GLIS2: variants seen among roughly 807,000 people sequenced by gnomAD.
GLIS2 encodes GLIS family zinc finger 2.
Under a neutral mutation model 35.6 loss-of-function variants are expected in GLIS2, and 14 were observed. That is an observed-to-expected ratio of 0.39 (90% CI 0.26 to 0.61). The LOEUF is 0.61. Among genes scored for constraint, GLIS2 ranks in the 20% least tolerant of loss-of-function variants. GLIS2 has a pLI of 0.48. For synonymous variants in GLIS2, 368 were observed against 325.1 expected, an observed-to-expected ratio of 1.13 and a Z score of -1.42; for missense variants, 675 against 713.4, an observed-to-expected ratio of 0.95 and a Z score of 0.61.
At chr16:4,324,912 G>A (rs1385322157) in intron 1 of GLIS2, 3 of 152,260 alleles carry the variant, frequency 2.0e-5, no homozygotes, top group Non-Finnish European at 4.4e-5. Flanking sequence ...TGCCTGGTCA[G>A]GAAGGGGGGC....
In GLIS2 at chr16:4,320,596, CG is replaced by C. The variant is rs1178400527; in HGVS notation, c.-67+4347del. 7.9e-5 allele frequency among the ~76,000 whole-genome samples: 12 copies of C among 152,250 alleles called. No homozygotes were observed. The highest frequency in any genetic ancestry group is 2.2e-4 in the African/African-American group (9 of 41,518). ...CCCCACGTCCACTGCAAGGGCATGA[CG>C]GGGGCCAACGTGTCTGGAAGAAGCC... On this transcript the variant is annotated intron_variant, in intron 1 of 6. Coordinates refer to ENST00000433375, the MANE Select transcript of GLIS2 (RefSeq NM_032575.3). The surrounding 1 kb of genome is among the most constrained non-coding windows in gnomAD (Gnocchi z 5.6).
intron 1 of GLIS2, among the ~76,000 whole-genome samples, chr16:4,324,198 G>A (rs922797610): frequency 6.6e-6 from 1 of 152,128 alleles, no homozygotes; most frequent in Admixed American, 6.5e-5. Context: ...GAGGGGGAGG[G>A]GCTGCCTACT....
chr16:4,333,296 C>A, intron 2 of GLIS2, 51 bp from the exon 3 acceptor site: 2 of 1,603,032 alleles, frequency 1.2e-6, no homozygotes, highest in Non-Finnish European at 8.5e-7. Flanking sequence ...GAGTACCTGG[C>A]CCACTGGGAC....
In GLIS2 at chr16:4,337,017, C is replaced by T. The variant is rs769519610; in HGVS notation, c.1068C>T (p.Pro356=). Residue 356 remains proline (P), a synonymous_variant, in exon 7 of 7, where the codon CCC becomes CCT. Transcript: ENST00000433375. ...PYVSGAQIII[P]NPAALFGGPG... is the part of the protein sequence containing the mutation. Reference sequence around the variant, plus strand: ...TCAGTGGGGCCCAGATCATCATCCCCAACCCAGCTGCCCTCTTTGGAGGCC... The same window carrying T: ...TCAGTGGGGCCCAGATCATCATCCCTAACCCAGCTGCCCTCTTTGGAGGCC... The T allele has an allele frequency of 6.2e-7, 1 of 1,602,748 alleles. No homozygotes were observed. Among genetic ancestry groups the T allele is most frequent in the Middle Eastern group, 1.7e-4 (1 of 6,040 alleles).
At position 4,337,753 on chromosome 16, in the gene GLIS2, C is replaced by T. The variant is rs1193486635; in HGVS notation, c.*229C>T. On this transcript the variant is annotated 3_prime_UTR_variant, in exon 7 of 7. Transcript: ENST00000433375. ...GCTGTGCTCCTGGGTGCTGAAGCCT[C>T]GCTCCTGTCTGTCCCCCACCACCTG... The T allele has an allele frequency of 6.3e-6, 4 of 634,988 alleles. No homozygotes were observed. The highest frequency in any genetic ancestry group is 5.5e-5 in the South Asian group (3 of 54,406). 39.3% of individuals were successfully genotyped at this position (634,988 alleles called of 1,614,324 possible).
At chr16:4,333,289 T>C (rs970940716) in intron 2 of GLIS2, 58 bp from the exon 3 acceptor site, 1 of 1,597,442 alleles carries the variant, frequency 6.3e-7, no homozygotes, top group Non-Finnish European at 8.5e-7. Context: ...GAGGCAGGAG[T>C]ACCTGGCCCA....
In GLIS2 at chr16:4,333,454, G is replaced by C. The variant is rs761567062; in HGVS notation, c.280G>C (p.Gly94Arg). The C allele has an allele frequency of 1.2e-6, 2 of 1,612,770 alleles. No individual in the cohort carries two copies. Among genetic ancestry groups the C allele is most frequent in the East Asian group, 4.5e-5 (2 of 44,888 alleles). ...SPPSGLDSPNGSSSLSPERQG... is the reference protein window; with the variant it reads ...SPPSGLDSPNRSSSLSPERQG... ...ACCATCTGGGCTGGACTCCCCCAAT[G>C]GCAGCAGCTCGCTGTCCCCCGAGCG... The change falls in exon 3 of 7, where the codon GGC becomes CGC. Residue 94 changes from glycine (G) to arginine (R), a missense_variant. By Grantham distance (125) the Gly-to-Arg change is moderately radical. Transcript: ENST00000433375.
intron 6 of GLIS2, 88 bp from the exon 7 acceptor site, chr16:4,336,637 T>G: frequency 7.5e-7 from 1 of 1,336,966 alleles, no homozygotes; most frequent in Non-Finnish European, 1.0e-6. Flanking sequence ...CAGGGAGTGC[T>G]TGGCCCGGGG....
chr16:4,327,079 A>C (rs2053439160), intron 1 of GLIS2, among the ~76,000 whole-genome samples: 1 of 151,338 alleles, frequency 6.6e-6, no homozygotes, highest in South Asian at 2.1e-4. Flanking sequence ...TTTTTACTTC[A>C]AACGGGATTT....
chr16:4,324,369 A>G (rs2053408674), intron 1 of GLIS2, among the ~76,000 whole-genome samples: 1 of 152,138 alleles, frequency 6.6e-6, no homozygotes, highest in African/African-American at 2.4e-5. Flanking sequence ...TCCAGGGTTG[A>G]TCAGGCCTTC....
chr16:4,335,499 C>CA lies in GLIS2; in HGVS notation c.775+107dup. The CA allele has an allele frequency of 9.9e-7, 1 of 1,014,462 alleles. No homozygotes were observed. The highest frequency in any genetic ancestry group is 1.5e-6 in the Non-Finnish European group (1 of 654,794). 62.8% of individuals were successfully genotyped at this position (1,014,462 alleles called of 1,614,324 possible). Reference sequence around the variant, plus strand: ...GGACTGTTAAGTAAATCCCGGGCCTCAGAGATAAGGGTTGATGTCATCGCC... The same window carrying CA: ...GGACTGTTAAGTAAATCCCGGGCCTCAAGAGATAAGGGTTGATGTCATCGCC... On this transcript the variant is annotated intron_variant, in intron 6 of 6. Transcript: ENST00000433375. The surrounding 1 kb of genome is among the most constrained non-coding windows in gnomAD (Gnocchi z 4.6).
rs149145163 is a variant in GLIS2 at position 4,335,386 on chromosome 16, G to A, written c.768G>A (p.Ser256=). 154 of 1,613,406 alleles carry A rather than the reference G, an allele frequency of 9.5e-5. 1 individual carries two copies. The South Asian group carries it at 1.3e-3, about 14-fold the overall frequency. Residue 256 remains serine (S), a synonymous_variant, in exon 6 of 7, where the codon TCG becomes TCA. Coordinates refer to ENST00000433375, the MANE Select transcript of GLIS2 (RefSeq NM_032575.3). The surrounding 1 kb of genome is among the most constrained non-coding windows in gnomAD (Gnocchi z 4.6). ...RLENLKIHNR[S]HTGEKPYVCP... ...AGAACCTGAAGATCCACAACCGGTC[G>A]CACACAGGTAAGAGGCCGGGGCCGG...
chr16:4,330,390 T>C (rs2053485533), intron 1 of GLIS2, among the ~76,000 whole-genome samples: 1 of 152,232 alleles, frequency 6.6e-6, no homozygotes, highest in African/African-American at 2.4e-5. Flanking sequence ...TTTCTACATA[T>C]TTATATATTA....
chr16:4,318,215 C>G (rs1023687183), intron 1 of GLIS2, among the ~76,000 whole-genome samples: 1 of 152,136 alleles, frequency 6.6e-6, no homozygotes, highest in Non-Finnish European at 1.5e-5. Context: ...CTGGGAGTCT[C>G]CTGCCCTGGG....
intron 1 of GLIS2, among the ~76,000 whole-genome samples, chr16:4,328,012 C>T (rs1369486025): frequency 1.3e-5 from 2 of 152,144 alleles, no homozygotes; most frequent in Non-Finnish European, 2.9e-5. Context: ...CTCCACGCTG[C>T]GCTGTCCCAC....
chr16:4,337,306 A>G lies in GLIS2; in HGVS notation c.1357A>G (p.Thr453Ala). 6.4e-7 allele frequency: 1 copy of G among 1,565,330 alleles called. No homozygotes were observed. The highest frequency in any genetic ancestry group is 8.6e-7 in the Non-Finnish European group (1 of 1,156,778). ...GGAGAAGGGGCGTGGGTCGGTGCCCACCAGGGCCCTGGGCATGGAGGGCCA... is the reference window on the plus strand; with the variant it reads ...GGAGAAGGGGCGTGGGTCGGTGCCCGCCAGGGCCCTGGGCATGGAGGGCCA... The part of the protein sequence containing the change: ...EGEKGRGSVP[T>A]RALGMEGHKT... Residue 453 changes from threonine (T) to alanine (A), a missense_variant, in exon 7 of 7, where the codon ACC (threonine) becomes GCC (alanine). Physicochemically the swap from Thr to Ala is moderately conservative, Grantham distance 58. This residue lies in a region of GLIS2 where 317 missense variants were observed against 283.2 expected (regional missense o/e 1.12). Coordinates refer to ENST00000433375, the MANE Select transcript of GLIS2 (RefSeq NM_032575.3).
Position 4,337,584 on chromosome 16 carries a change from A to G in GLIS2, c.*60A>G, listed in dbSNP as rs989559259. On this transcript the variant is annotated 3_prime_UTR_variant, in exon 7 of 7. Transcript: ENST00000433375. ...CAGCTCCCGGCACTGCCCCCGACGA[A>G]CGGAAACTCTTCTGTGAAATAGCAA... The G allele has an allele frequency of 2.0e-6, 3 of 1,533,508 alleles. No homozygotes were observed. Among genetic ancestry groups the G allele is most frequent in the Admixed American group, 2.0e-5 (1 of 51,026 alleles). 95.0% of individuals were successfully genotyped at this position (1,533,508 alleles called of 1,614,324 possible).
At position 4,335,400 on chromosome 16, in the gene GLIS2, G is replaced by A. The variant is rs1407584367; in HGVS notation, c.775+7G>A. The A allele has an allele frequency of 1.2e-6, 2 of 1,613,188 alleles. No homozygotes were observed. The highest frequency in any genetic ancestry group is 1.7e-6 in the Non-Finnish European group (2 of 1,179,886). The stretch of plus-strand genomic sequence containing the variant: ...CACAACCGGTCGCACACAGGTAAGA[G>A]GCCGGGGCCGGGCGGCTTGGCCCAT... On this transcript the variant is annotated splice_region_variant and intron_variant, in intron 6 of 6. Coordinates refer to ENST00000433375, the MANE Select transcript of GLIS2 (RefSeq NM_032575.3). The surrounding 1 kb of genome is among the most constrained non-coding windows in gnomAD (Gnocchi z 4.6).
Position 4,333,434 on chromosome 16 carries a change from C to G in GLIS2, c.260C>G (p.Ser87Cys). 7 of 1,613,008 alleles carry G rather than the reference C, an allele frequency of 4.3e-6. No homozygotes were observed. Among genetic ancestry groups the G allele is most frequent in the Non-Finnish European group, 5.9e-6 (7 of 1,180,010 alleles). The change falls in exon 3 of 7, where the codon TCT becomes TGT. Residue 87 changes from serine (S) to cysteine (C), a missense_variant. Physicochemically the swap from Ser to Cys is moderately radical, Grantham distance 112. This residue lies in a region of GLIS2 where 225 missense variants were observed against 238.7 expected (regional missense o/e 0.94). Transcript: ENST00000433375. ...PLVDLSLSPPSGLDSPNGSSS... is the reference protein window; with the variant it reads ...PLVDLSLSPPCGLDSPNGSSS... ...GTGGACCTCAGCCTGTCACCACCAT[C>G]TGGGCTGGACTCCCCCAATGGCAGC...
Sources: allele counts gnomAD v4.1 joint callset (sites outside exome capture counted in the v4.1 genomes callset), GRCh38; gene constraint gnomAD v4.1.1; regional missense constraint gnomAD v4.1.1; non-coding constraint Gnocchi (gnomAD v3.1); transcripts MANE v1.5; gene names NCBI Gene and HGNC (gene_info 2026-07-23, HGNC 2026-07-21).